AGAP1: variants seen among roughly 807,000 people sequenced by gnomAD.
The protein encoded by AGAP1 is ArfGAP with GTPase domain, ankyrin repeat and PH domain 1.
Under a neutral mutation model 105.3 loss-of-function variants are expected in AGAP1, and 29 were observed. The observed-to-expected ratio is 0.28, with a 90% confidence interval of 0.21 to 0.38. AGAP1 has a LOEUF of 0.38. Among genes scored for constraint, AGAP1 ranks in the 10% least tolerant of loss-of-function variants. The pLI, the probability that AGAP1 is intolerant of heterozygous loss-of-function variation, is 1.00. For missense variants in AGAP1, 998 were observed against 1,165.1 expected, an observed-to-expected ratio of 0.86 and a Z score of 2.09; for synonymous variants, 509 against 485.9, an observed-to-expected ratio of 1.05 and a Z score of -0.63.
At position 235,705,552 on chromosome 2, in the gene AGAP1, T is replaced by C. The variant is rs370362663; in HGVS notation, c.164-3627T>C. ...AGTGTCCAGCCCACAGATAGGTCCC[T>C]GTAGTGGAGTAGGAGGAAGGACTAT... On this transcript the variant is annotated intron_variant, in intron 1 of 17. Coordinates refer to ENST00000304032, the MANE Select transcript of AGAP1 (RefSeq NM_001037131.3). The surrounding 1 kb of genome is among the most constrained non-coding windows in gnomAD (Gnocchi z 4.9). Among the ~76,000 whole-genome samples the C allele has an allele frequency of 1.3e-5, 2 of 152,210 alleles. No homozygotes were observed. Among genetic ancestry groups the C allele is most frequent in the African/African-American group, 4.8e-5 (2 of 41,460 alleles).
rs902202713 is a variant in AGAP1, at chr2:235,960,650, A to G, written c.1484-7812A>G. Among the ~76,000 whole-genome samples, 2 of 152,140 alleles carry G rather than the reference A, an allele frequency of 1.3e-5. No homozygotes were observed. The highest frequency in any genetic ancestry group is 2.4e-5 in the African/African-American group (1 of 41,434). ...CAGGGCCCAAGAAAAATCGTCTTTT[A>G]TGGAAGGCATCAAGCAAGAAATTTG... On this transcript the variant is annotated intron_variant, in intron 12 of 17. Transcript: ENST00000304032. This position sits in a 1 kb window ranked among gnomAD's most constrained non-coding sequence, Gnocchi z 4.9.
At chr2:235,513,662 C>T (rs1055720778) in intron 1 of AGAP1, among the ~76,000 whole-genome samples, 3 of 152,106 alleles carry the variant, frequency 2.0e-5, no homozygotes, top group Non-Finnish European at 4.4e-5. Context: ...ATTTTGGTGC[C>T]ACACTTTGGG....
At chr2:235,945,696 A>C (rs910213215) in intron 12 of AGAP1, among the ~76,000 whole-genome samples, 3 of 152,050 alleles carry the variant, frequency 2.0e-5, no homozygotes, top group Non-Finnish European at 2.9e-5. Flanking sequence ...ACCTGTATGA[A>C]TCCGTTCTCA....
Position 236,114,558 on chromosome 2 carries a change from C to T in AGAP1, c.2115-5634C>T, listed in dbSNP as rs1160010328. 2.0e-5 allele frequency among the ~76,000 whole-genome samples: 3 copies of T among 152,134 alleles called. No individual in the cohort carries two copies. Among genetic ancestry groups the T allele is most frequent in the African/African-American group, 4.8e-5 (2 of 41,428 alleles). Reference sequence around the variant, plus strand: ...GCTGGAAGTCTGGAGTCAGGGTGCCCGCAGGGTTGGTTCTGGTGAGACCTC... The same window carrying T: ...GCTGGAAGTCTGGAGTCAGGGTGCCTGCAGGGTTGGTTCTGGTGAGACCTC... On this transcript the variant is annotated intron_variant, in intron 16 of 17. Transcript: ENST00000304032. This position sits in a 1 kb window ranked among gnomAD's most constrained non-coding sequence, Gnocchi z 5.0.
At position 235,799,220 on chromosome 2, in the gene AGAP1, C is replaced by T; in HGVS notation, c.802-147C>T. 1 of 821,050 alleles carries T rather than the reference C, an allele frequency of 1.2e-6. No homozygotes were observed. Among genetic ancestry groups the T allele is most frequent in the Admixed American group, 2.7e-5 (1 of 37,180 alleles). The allele number at this position is 821,050 out of a possible 1,614,324, so 50.9% of individuals were successfully genotyped here. A position where few individuals can be genotyped will look rare whatever the true frequency, so the allele number is the denominator to read the frequency against. The stretch of plus-strand genomic sequence containing the variant: ...CTCTGTAGACATGACACTAATACAC[C>T]TGGCAAAGCCATAGACGCAAGTCAG... On this transcript the variant is annotated intron_variant, in intron 7 of 17. Coordinates refer to ENST00000304032, the MANE Select transcript of AGAP1 (RefSeq NM_001037131.3). This position sits in a 1 kb window ranked among gnomAD's most constrained non-coding sequence, Gnocchi z 5.0.
At chr2:236,048,570 G>A (rs1403643457) in intron 15 of AGAP1, among the ~76,000 whole-genome samples, 2 of 152,150 alleles carry the variant, frequency 1.3e-5, no homozygotes, top group Non-Finnish European at 2.9e-5. Context: ...CATGCCCGTT[G>A]TGTACCTACT....
At position 235,792,233 on chromosome 2, in the gene AGAP1, A is replaced by G. The variant is rs1381920467; in HGVS notation, c.674-5526A>G. On this transcript the variant is annotated intron_variant, in intron 6 of 17. Transcript: ENST00000304032. This position sits in a 1 kb window ranked among gnomAD's most constrained non-coding sequence, Gnocchi z 5.3. ...ATGGTGGCTCTTCAGTGTCACTGCA[A>G]TCTATACGCTTTCTCTGTGTCTTCC... is the stretch of plus-strand genomic sequence containing the variant. Among the ~76,000 whole-genome samples the G allele has an allele frequency of 6.6e-6, 1 of 152,078 alleles. No homozygotes were observed. The highest frequency in any genetic ancestry group is 2.4e-5 in the African/African-American group (1 of 41,386).
intron 11 of AGAP1, among the ~76,000 whole-genome samples, chr2:235,910,290 G>A (rs563645746): frequency 3.4e-4 from 2 of 5,908 alleles, no homozygotes; most frequent in African/African-American, 2.0e-3. Flanking sequence ...TGTGTTGCAG[G>A]GGGGCGGTGT....
rs780352946 is a variant in AGAP1, at chr2:235,620,971, C to T, written c.164-88208C>T. Reference sequence around the variant, plus strand: ...TTCAGGAGCCAGGGGGCTGCATCTGCGTGTTGGCTCTGCTGCTGAAGTGGC... The same window carrying T: ...TTCAGGAGCCAGGGGGCTGCATCTGTGTGTTGGCTCTGCTGCTGAAGTGGC... On this transcript the variant is annotated intron_variant, in intron 1 of 17. Transcript: ENST00000304032. This position sits in a 1 kb window ranked among gnomAD's most constrained non-coding sequence, Gnocchi z 4.5. 4.6e-5 allele frequency among the ~76,000 whole-genome samples: 7 copies of T among 152,296 alleles called. No homozygotes were observed. The highest frequency in any genetic ancestry group is 7.4e-5 in the Non-Finnish European group (5 of 68,016).
rs981362216 is a variant in AGAP1, at chr2:236,062,879, C to A, written c.2114+13598C>A. On this transcript the variant is annotated intron_variant, in intron 16 of 17. Transcript: ENST00000304032. The surrounding 1 kb of genome is among the most constrained non-coding windows in gnomAD (Gnocchi z 4.2). ...GTTTCACCATCTTGGCCAGGCTGGT[C>A]TTGAACTCCTGACCTCATGATCCAC... is the stretch of plus-strand genomic sequence containing the variant. 1.3e-5 allele frequency among the ~76,000 whole-genome samples: 2 copies of A among 152,084 alleles called. No individual in the cohort carries two copies. The highest frequency in any genetic ancestry group is 2.4e-5 in the African/African-American group (1 of 41,410).
intron 1 of AGAP1, among the ~76,000 whole-genome samples, chr2:235,638,121 A>G (rs945039153): frequency 6.6e-6 from 1 of 152,222 alleles, no homozygotes; most frequent in Non-Finnish European, 1.5e-5. Flanking sequence ...TCAAACTGAC[A>G]CGTAACATTA....
rs1210903624 is a variant in AGAP1, at chr2:235,612,449, G to A, written c.164-96730G>A. ...CTGGTAATGAGATCTCAGGGGCAGC[G>A]CCTAGAGTGCTGGGCCCTTCCAGAT... On this transcript the variant is annotated intron_variant, in intron 1 of 17. Transcript: ENST00000304032. The surrounding 1 kb of genome is among the most constrained non-coding windows in gnomAD (Gnocchi z 4.3). Among the ~76,000 whole-genome samples the A allele has an allele frequency of 2.0e-5, 3 of 152,180 alleles. No individual in the cohort carries two copies. Among genetic ancestry groups the A allele is most frequent in the Admixed American group, 1.3e-4 (2 of 15,286 alleles).
chr2:235,944,154 A>G (rs1351045830), intron 12 of AGAP1, among the ~76,000 whole-genome samples: 1 of 152,228 alleles, frequency 6.6e-6, no homozygotes, highest in Non-Finnish European at 1.5e-5. Context: ...TTCTATGTAT[A>G]TTTCAGATCC....
chr2:235,582,907 G>A lies in AGAP1; in HGVS notation c.163+88058G>A, dbSNP rs189302188. Among the ~76,000 whole-genome samples, 1 of 152,344 alleles carries A rather than the reference G, an allele frequency of 6.6e-6. No homozygotes were observed. Among genetic ancestry groups the A allele is most frequent in the East Asian group, 1.9e-4 (1 of 5,192 alleles). On this transcript the variant is annotated intron_variant, in intron 1 of 17. Coordinates refer to ENST00000304032, the MANE Select transcript of AGAP1 (RefSeq NM_001037131.3). This position sits in a 1 kb window ranked among gnomAD's most constrained non-coding sequence, Gnocchi z 4.7. ...GTGAGCCTTTGATGGAGTGTGTTCC[G>A]GAATCGGGAGGAAGCTTGTAAGGCT...
intron 6 of AGAP1, chr2:235,783,335 T>C: frequency 2.1e-6 from 1 of 471,294 alleles, no homozygotes; most frequent in South Asian, 1.5e-5. Flanking sequence ...TAAATTTAGA[T>C]GTATGCTTAA....
At position 236,124,155 on chromosome 2, in the gene AGAP1, G is replaced by C; in HGVS notation, c.*33G>C. On this transcript the variant is annotated 3_prime_UTR_variant, in exon 18 of 18. Transcript: ENST00000304032. The surrounding 1 kb of genome is among the most constrained non-coding windows in gnomAD (Gnocchi z 5.1). ...CCGTGCCCGCCTGCTCGCCGCACCTGGGACGCGGCAGCCTCGCCGCATTCT... is the reference window on the plus strand; with the variant it reads ...CCGTGCCCGCCTGCTCGCCGCACCTCGGACGCGGCAGCCTCGCCGCATTCT... The C allele has an allele frequency of 6.2e-7, 1 of 1,605,548 alleles. No homozygotes were observed. The highest frequency in any genetic ancestry group is 8.5e-7 in the Non-Finnish European group (1 of 1,173,612).
intron 9 of AGAP1, among the ~76,000 whole-genome samples, chr2:235,844,842 C>T (rs1000241439): frequency 2.6e-5 from 4 of 152,160 alleles, no homozygotes; most frequent in Admixed American, 1.3e-4. Flanking sequence ...CTCCCTGGCC[C>T]GAGGGGGTGC....
intron 1 of AGAP1, among the ~76,000 whole-genome samples, chr2:235,617,152 GA>G (rs1200145443): frequency 1.3e-5 from 2 of 152,024 alleles, no homozygotes; most frequent in East Asian, 1.9e-4. Context: ...AATGTAGGGG[GA>G]AAAATGTTCT....
rs982870823 is a variant in AGAP1, at chr2:235,728,585, T to C, written c.310+10941T>C. On this transcript the variant is annotated intron_variant, in intron 3 of 17. Coordinates refer to ENST00000304032, the MANE Select transcript of AGAP1 (RefSeq NM_001037131.3). This position sits in a 1 kb window ranked among gnomAD's most constrained non-coding sequence, Gnocchi z 4.3. ...TGCTAGTGTGAGAGCTGCTGGTGCC[T>C]GCCCTGGGTCCGAAAGCTGGTGGTG... Among the ~76,000 whole-genome samples, 3 of 152,096 alleles carry C rather than the reference T, an allele frequency of 2.0e-5. No individual in the cohort carries two copies. The East Asian group carries it at 5.8e-4, about 29-fold the overall frequency.
Sources: gnomAD v4.1 joint callset for allele counts (sites outside exome capture counted in the v4.1 genomes callset) on GRCh38, gnomAD v4.1.1 for gene constraint, Gnocchi (gnomAD v3.1) non-coding constraint, MANE v1.5 for transcripts, NCBI Gene and HGNC (gene_info 2026-07-23, HGNC 2026-07-21) for gene names.